Variants in PCDHGA6 observed in about 807,000 individuals in gnomAD.
PCDHGA6 encodes the protein protocadherin gamma subfamily A, 6.
PCDHGA6 carries 41 observed loss-of-function variants against 60.6 expected under a neutral mutation model. The ratio of observed to expected loss-of-function variants is 0.68; its 90% CI spans 0.53 to 0.88. The LOEUF is 0.88. Ranked by LOEUF, PCDHGA6 falls within the 40% of genes least tolerant of loss-of-function variation. The pLI is 0.00. For synonymous variants in PCDHGA6, 594 were observed against 524.4 expected (o/e 1.13, Z -1.81); for missense variants, 1,312 against 1,203.0 (o/e 1.09, Z -1.34).
In PCDHGA6 at chr5:141,485,233, C is replaced by T; in HGVS notation, c.2425-9574C>T. 1.2e-6 allele frequency: 2 copies of T among 1,614,182 alleles called. No individual in the cohort carries two copies. The highest frequency in any genetic ancestry group is 1.7e-6 in the Non-Finnish European group (2 of 1,180,030). ...GGCGGTGGGCTACCCTTTTGTTCCTCTTTTACCACCTGGGTTACGTTTGTG... is the reference window on the plus strand; with the variant it reads ...GGCGGTGGGCTACCCTTTTGTTCCTTTTTTACCACCTGGGTTACGTTTGTG... On this transcript the variant is annotated intron_variant, in intron 1 of 3. Transcript: ENST00000517434. This position sits in a 1 kb window ranked among gnomAD's most constrained non-coding sequence, Gnocchi z 5.7.
At chr5:141,395,516 G>A (rs1402459220) in intron 1 of PCDHGA6, 1 of 407,820 alleles carries the variant, frequency 2.5e-6, no homozygotes, top group Non-Finnish European at 4.4e-6. Context: ...GTAGCTACCC[G>A]TCCATACTGG....
At chr5:141,397,110 C>T (rs561188757) in intron 1 of PCDHGA6, among the ~76,000 whole-genome samples, 1 of 152,324 alleles carries the variant, frequency 6.6e-6, no homozygotes, top group African/African-American at 2.4e-5. Context: ...ATGCAATCCA[C>T]TAGAATATCC....
At chr5:141,384,969 G>A (rs996601457) in intron 1 of PCDHGA6, 5 of 1,614,014 alleles carry the variant, frequency 3.1e-6, no homozygotes, top group African/African-American at 2.7e-5. Context: ...ATGACCTCAC[G>A]TTGTACCTGG....
At chr5:141,399,008 G>A (rs2093737383) in intron 1 of PCDHGA6, 4 of 1,613,904 alleles carry the variant, frequency 2.5e-6, no homozygotes, top group African/African-American at 1.3e-5. Flanking sequence ...AATTCAAAGA[G>A]CGGAGAAATT....
intron 1 of PCDHGA6, among the ~76,000 whole-genome samples, chr5:141,455,844 T>TA (rs2098833146): frequency 6.6e-6 from 1 of 150,818 alleles, no homozygotes; most frequent in Non-Finnish European, 1.5e-5. Flanking sequence ...TCTATCTGCA[T>TA]AAAATAATTT....
chr5:141,418,254 A>T (rs1217236221), intron 1 of PCDHGA6: 2 of 1,613,904 alleles, frequency 1.2e-6, no homozygotes, highest in African/African-American at 2.7e-5. Flanking sequence ...CACGCCCCTC[A>T]ATTCCGGAAA....
rs61612330 is a variant in PCDHGA6, at chr5:141,454,796, A to ATTTTTTT, written c.2425-39988_2425-39982dup. On this transcript the variant is annotated intron_variant, in intron 1 of 3. Transcript: ENST00000517434. Reference sequence around the variant, plus strand: ...AAGGAAATAATCCTCCATGGTTCTAATTTTTTTTTTTTTTTTTTTTTTTTT... The same window carrying ATTTTTTT: ...AAGGAAATAATCCTCCATGGTTCTAATTTTTTTTTTTTTTTTTTTTTTTTTTTTTTTT... Among the ~76,000 whole-genome samples the ATTTTTTT allele has an allele frequency of 2.6e-3, 198 of 77,448 alleles. 27 individuals are homozygous for ATTTTTTT. The highest frequency in any genetic ancestry group is 8.4e-3 in the African/African-American group (141 of 16,874). The allele number at this position is 77,448 out of a possible 152,430, so 50.8% of individuals were successfully genotyped here. A position where few individuals can be genotyped will look rare whatever the true frequency, so the allele number is the denominator to read the frequency against.
In PCDHGA6 at chr5:141,491,634, C is replaced by T; in HGVS notation, c.2425-3173C>T. On this transcript the variant is annotated intron_variant, in intron 1 of 3. Coordinates refer to ENST00000517434, the MANE Select transcript of PCDHGA6 (RefSeq NM_018919.3). This position sits in a 1 kb window ranked among gnomAD's most constrained non-coding sequence, Gnocchi z 6.9. ...TAAGACCCCTCAGCGTTCAGCAGCC[C>T]ACAGCTCTGGCGCTGGAGCCTGACG... 1 of 1,613,892 alleles carries T rather than the reference C, an allele frequency of 6.2e-7. No individual in the cohort carries two copies. Among genetic ancestry groups the T allele is most frequent in the South Asian group, 1.1e-5 (1 of 91,084 alleles).
intron 2 of PCDHGA6, among the ~76,000 whole-genome samples, chr5:141,496,639 C>A (rs752903356): frequency 6.6e-6 from 1 of 152,222 alleles, no homozygotes; most frequent in Non-Finnish European, 1.5e-5. Flanking sequence ...TTGGGCTGCC[C>A]TTGCCCTTCC....
chr5:141,388,384 T>G, intron 1 of PCDHGA6: 3 of 1,614,014 alleles, frequency 1.9e-6, no homozygotes, highest in Non-Finnish European at 2.5e-6. Context: ...AGCAACACAC[T>G]GCAGAATTAC....
In PCDHGA6 at chr5:141,431,059, C is replaced by G. The variant is rs367774626; in HGVS notation, c.2424+54552C>G. ...GGGAGGAGCTCTGTATGGGGGCCAT[C>G]AAGTGTCAATTAAATCTAGACATTC... On this transcript the variant is annotated intron_variant, in intron 1 of 3. Coordinates refer to ENST00000517434, the MANE Select transcript of PCDHGA6 (RefSeq NM_018919.3). This position sits in a 1 kb window ranked among gnomAD's most constrained non-coding sequence, Gnocchi z 4.8. 1 of 1,614,136 alleles carries G rather than the reference C, an allele frequency of 6.2e-7. No individual in the cohort carries two copies.
At chr5:141,381,403 A>G (rs1036443196) in intron 1 of PCDHGA6, among the ~76,000 whole-genome samples, 2 of 152,244 alleles carry the variant, frequency 1.3e-5, no homozygotes, top group East Asian at 1.9e-4. Context: ...CTCTATCAAC[A>G]TCAGTGGAGA....
chr5:141,422,328 TGCTCTTCTAAA>T (rs2096641385), intron 1 of PCDHGA6: 1 of 1,548,384 alleles, frequency 6.5e-7, no homozygotes, highest in Admixed American at 2.1e-5. Flanking sequence ...GTACAGTGAT[TGCTCTTCTAAA>T]TGTGCAAGAT....
chr5:141,418,324 G>A, intron 1 of PCDHGA6: 2 of 1,614,006 alleles, frequency 1.2e-6, no homozygotes, highest in Non-Finnish European at 1.7e-6. Context: ...CAATTCTTGA[G>A]TCTGCAGAAG....
In PCDHGA6 at chr5:141,432,545, A is replaced by G; in HGVS notation, c.2424+56038A>G. Reference sequence around the variant, plus strand: ...GGTGACCAAGGTGGTGGCGGTGGACAGAGACTCCGGCCAGAACGCCTGGCT... The same window carrying G: ...GGTGACCAAGGTGGTGGCGGTGGACGGAGACTCCGGCCAGAACGCCTGGCT... On this transcript the variant is annotated intron_variant, in intron 1 of 3. Coordinates refer to ENST00000517434, the MANE Select transcript of PCDHGA6 (RefSeq NM_018919.3). This position sits in a 1 kb window ranked among gnomAD's most constrained non-coding sequence, Gnocchi z 6.0. The G allele has an allele frequency of 1.2e-6, 2 of 1,613,876 alleles. No homozygotes were observed. Among genetic ancestry groups the G allele is most frequent in the Non-Finnish European group, 1.7e-6 (2 of 1,179,984 alleles).
rs145569377 is a variant in PCDHGA6 at position 141,455,860 on chromosome 5, ATTATTTATTTATTTAT to A, written c.2425-38908_2425-38893del. Among the ~76,000 whole-genome samples, 551 of 139,848 alleles carry A rather than the reference ATTATTTATTTATTTAT, an allele frequency of 3.9e-3. 2 individuals carry two copies. The highest frequency in any genetic ancestry group is 9.7e-3 in the South Asian group (42 of 4,344). The allele number at this position is 139,848 out of a possible 152,430, so 91.7% of individuals were successfully genotyped here. ...CTATCTGCATAAAATAATTTCTTTTATTATTTATTTATTTATTTATTTATTTATTTATTTATTTATT... is the reference window on the plus strand; with the variant it reads ...CTATCTGCATAAAATAATTTCTTTTATTATTTATTTATTTATTTATTTATT... On this transcript the variant is annotated intron_variant, in intron 1 of 3. Transcript: ENST00000517434.
Position 141,376,444 on chromosome 5 carries a change from A to G in PCDHGA6, c.2361A>G (p.Lys787=), listed in dbSNP as rs755915739. Residue 787 remains lysine, a synonymous_variant, in exon 1 of 4, where the codon AAA becomes AAG. Coordinates refer to ENST00000517434, the MANE Select transcript of PCDHGA6 (RefSeq NM_018919.3). ...DTLINQESYE[K]SEPLLITQDL... Reference sequence around the variant, plus strand: ...TTATCAACCAGGAGAGCTATGAGAAAAGCGAGCCTCTTCTGATAACTCAGG... The same window carrying G: ...TTATCAACCAGGAGAGCTATGAGAAGAGCGAGCCTCTTCTGATAACTCAGG... 3.1e-6 allele frequency: 5 copies of G among 1,614,096 alleles called. No homozygotes were observed. The East Asian group carries it at 8.9e-5, about 29-fold the overall frequency.
chr5:141,390,300 T>A, intron 1 of PCDHGA6: 1 of 1,613,822 alleles, frequency 6.2e-7, no homozygotes, highest in Non-Finnish European at 8.5e-7. Flanking sequence ...CCTTTAAGTA[T>A]AATTTAATGC....
intron 1 of PCDHGA6, among the ~76,000 whole-genome samples, chr5:141,444,408 T>G (rs1591815532): frequency 6.6e-6 from 1 of 152,124 alleles, no homozygotes; most frequent in East Asian, 1.9e-4. Context: ...CAACCTCAGG[T>G]GATCTTCCCT....
Sources: gnomAD v4.1 joint callset for allele counts (sites outside exome capture counted in the v4.1 genomes callset) on GRCh38, gnomAD v4.1.1 for gene constraint, Gnocchi (gnomAD v3.1) non-coding constraint, MANE v1.5 for transcripts, NCBI Gene and HGNC (gene_info 2026-07-23, HGNC 2026-07-21) for gene names.